ZNF814: variants seen among roughly 807,000 people sequenced by gnomAD.
ZNF814 encodes the protein zinc finger protein 814.
A neutral mutation model predicts 7.5 loss-of-function variants in ZNF814; 5 were observed. That is an observed-to-expected ratio of 0.67 (90% CI 0.35 to 1.40). The LOEUF is 1.40. Among genes scored for constraint, ZNF814 ranks in the 40% most tolerant of loss-of-function variants. The pLI is 0.04. For missense variants in ZNF814, 962 were observed against 1,018.0 expected (o/e 0.94, Z 0.75); for synonymous variants, 315 against 340.7 (o/e 0.92, Z 0.83).
chr19:57,885,583 T>C (rs908375669), intron 1 of ZNF814, among the ~76,000 whole-genome samples: 13 of 149,496 alleles, frequency 8.7e-5, no homozygotes, highest in African/African-American at 3.0e-4. Context: ...TGAGCCGAGA[T>C]TGCACCACTG....
chr19:57,888,633 T>C (rs2071713186), intron 1 of ZNF814, 134 bp downstream of exon 1: 2 of 1,153,258 alleles, frequency 1.7e-6, no homozygotes, highest in South Asian at 1.4e-5. Flanking sequence ...GTGTCAGAAA[T>C]GGGGCCCCTC....
chr19:57,874,859 C>T lies in ZNF814; in HGVS notation c.531G>A (p.Lys177=), dbSNP rs767627144. The T allele has an allele frequency of 6.2e-6, 10 of 1,614,000 alleles. No homozygotes were observed. The East Asian group carries it at 6.7e-5, about 11-fold the overall frequency. The change falls in exon 3 of 3, where the codon AAG becomes AAA. Residue 177 remains lysine, a synonymous_variant. Transcript: ENST00000435989. ...GESSVFSESG[K]DFLPRSGLLQ... is the part of the protein sequence containing the mutation. Reference sequence around the variant, plus strand: ...GTAATCCTGACCTGGGCAAAAAGTCCTTCCCACTCTCACTGAAGACAGATG... The same window carrying T: ...GTAATCCTGACCTGGGCAAAAAGTCTTTCCCACTCTCACTGAAGACAGATG...
At chr19:57,890,027 TAG>T (rs1207222490), upstream of ZNF814, among the ~76,000 whole-genome samples, 2 of 152,224 alleles carry the variant, frequency 1.3e-5, no homozygotes, top group African/African-American at 4.8e-5. Context: ...ATTTCAGAGT[TAG>T]TGTAGATGTT....
the ZNF814 span, among the ~76,000 whole-genome samples, chr19:57,901,991 A>C: frequency 6.6e-6 from 1 of 152,336 alleles, no homozygotes; most frequent in African/African-American, 2.4e-5. Flanking sequence ...TATCAATAGG[A>C]TATAAATATC....
chr19:57,894,255 G>T, the ZNF814 span, among the ~76,000 whole-genome samples: 2 of 148,178 alleles, frequency 1.3e-5, no homozygotes, highest in Non-Finnish European at 3.0e-5. Context: ...AGTCCCAGCT[G>T]CTCAGGAGGC....
In ZNF814 at chr19:57,873,259, T is replaced by C; in HGVS notation, c.2131A>G (p.Asn711Asp). The change falls in exon 3 of 3, where the codon AAT becomes GAT. Residue 711 changes from asparagine to aspartate, a missense_variant. Transcript: ENST00000435989. The part of the protein sequence containing the change: ...SHLLVHQRIH[N>D]GEKPYACEAC... Reference sequence around the variant, plus strand: ...TCACAAGCATATGGCTTTTCTCCATTGTGAATTCTCTGGTGTACAAGGAGG... The same window carrying C: ...TCACAAGCATATGGCTTTTCTCCATCGTGAATTCTCTGGTGTACAAGGAGG... 2 of 1,602,626 alleles carry C rather than the reference T, an allele frequency of 1.2e-6. No individual in the cohort carries two copies. Among genetic ancestry groups the C allele is most frequent in the South Asian group, 1.1e-5 (1 of 89,818 alleles).
chr19:57,888,924 G>C lies in ZNF814; in HGVS notation c.-122C>G. ...CTGGGCGCCGTCACAGAGCTCCAGA[G>C]TAGCCTCTGTGCAGCGGAGGACAAC... is the stretch of plus-strand genomic sequence containing the variant. On this transcript the variant is annotated 5_prime_UTR_variant, in exon 1 of 3. Transcript: ENST00000435989. 1 of 1,098,154 alleles carries C rather than the reference G, an allele frequency of 9.1e-7. No homozygotes were observed. The highest frequency in any genetic ancestry group is 1.3e-6 in the Non-Finnish European group (1 of 748,362). 68.0% of individuals were successfully genotyped at this position (1,098,154 alleles called of 1,614,324 possible). A position where few individuals can be genotyped will look rare whatever the true frequency, so the allele number is the denominator to read the frequency against.
Position 57,888,933 on chromosome 19 carries a change from G to A in ZNF814, c.-131C>T. 2.0e-6 allele frequency: 2 copies of A among 994,710 alleles called. No homozygotes were observed. The highest frequency in any genetic ancestry group is 3.0e-6 in the Non-Finnish European group (2 of 663,986). 61.6% of individuals were successfully genotyped at this position (994,710 alleles called of 1,614,324 possible). ...GTCACAGAGCTCCAGAGTAGCCTCT[G>A]TGCAGCGGAGGACAACTGCTCCCCG... is the stretch of plus-strand genomic sequence containing the variant. On this transcript the variant is annotated 5_prime_UTR_variant, in exon 1 of 3. Transcript: ENST00000435989.
chr19:57,873,047 G>C lies in ZNF814; in HGVS notation c.2343C>G (p.Phe781Leu). The C allele has an allele frequency of 6.2e-7, 1 of 1,609,508 alleles. No individual in the cohort carries two copies. The highest frequency in any genetic ancestry group is 8.5e-7 in the Non-Finnish European group (1 of 1,178,468). Residue 781 changes from phenylalanine (F) to leucine (L), a missense_variant, in exon 3 of 3, where the codon TTC becomes TTG. Around this residue, in one of 7 missense-constraint regions of ZNF814, gnomAD observed 665 missense variants for 551.4 expected, o/e 1.21. Coordinates refer to ENST00000435989, the MANE Select transcript of ZNF814 (RefSeq NM_001144989.2). ...PYECSECGKS[F>L]AESSSFTKHK... is the part of the protein sequence containing the mutation. ...GTTTTGTGAAACTGGAGCTTTCAGC[G>C]AAAGATTTTCCACATTCACTGCACT...
chr19:57,890,325 G>A (rs1252884479), upstream of ZNF814, among the ~76,000 whole-genome samples: 2 of 152,044 alleles, frequency 1.3e-5, no homozygotes, highest in Admixed American at 6.6e-5. Context: ...TGAAAATTGC[G>A]AGACTGGGGT....
At chr19:57,889,353 G>A (rs1217504601), upstream of ZNF814, among the ~76,000 whole-genome samples, 1 of 152,106 alleles carries the variant, frequency 6.6e-6, no homozygotes, top group Non-Finnish European at 1.5e-5. Context: ...AAATTAGCCT[G>A]AGCAACAAAG....
chr19:57,878,010 C>CA (rs1397862249), intron 1 of ZNF814, among the ~76,000 whole-genome samples: 1 of 151,494 alleles, frequency 6.6e-6, no homozygotes, highest in African/African-American at 2.4e-5. Context: ...ACTAAAAATA[C>CA]AAAAAATTAG....
chr19:57,889,052 G>A (rs1376695263), upstream of ZNF814: 2 of 535,842 alleles, frequency 3.7e-6, no homozygotes, highest in Non-Finnish European at 3.3e-6. Flanking sequence ...GCCACCAGAG[G>A]GCGCCGGAAG....
chr19:57,899,446 C>T, the ZNF814 span, among the ~76,000 whole-genome samples: 3 of 152,172 alleles, frequency 2.0e-5, no homozygotes, highest in African/African-American at 7.2e-5. Flanking sequence ...GAAGGTAGAA[C>T]AAAGTGCTAC....
intron 1 of ZNF814, among the ~76,000 whole-genome samples, chr19:57,882,895 C>T (rs536534339): frequency 1.3e-5 from 2 of 152,190 alleles, no homozygotes; most frequent in African/African-American, 4.8e-5. Context: ...GAAAACGTGA[C>T]CTCACCAAAC....
intron 1 of ZNF814, among the ~76,000 whole-genome samples, chr19:57,888,473 T>C (rs1310365509): frequency 3.9e-5 from 6 of 152,280 alleles, no homozygotes; most frequent in Admixed American, 3.9e-4. Flanking sequence ...GCCCCCAGCC[T>C]GCTTGCTCTT....
rs1142532 is a variant in ZNF814 at position 57,877,003 on chromosome 19, A to G, written c.76T>C (p.Trp26Arg). 1.5e-5 allele frequency: 25 copies of G among 1,614,026 alleles called. No homozygotes were observed. The highest frequency in any genetic ancestry group is 1.6e-4 in the Middle Eastern group (1 of 6,082). The change falls in exon 2 of 3, where the codon TGG becomes CGG. Residue 26 changes from tryptophan to arginine, a missense_variant. Trp to Arg is a moderately radical substitution (Grantham distance 101, BLOSUM62 -3). Transcript: ENST00000435989. ...TFEDVAVNFT[W>R]EEWNLLSEAQ... ...TCACTAAGGAGATTCCATTCCTCCC[A>G]GGTAAAGTTCACAGCCACATCTTCA...
chr19:57,891,474 G>A (rs563337266), upstream of ZNF814, among the ~76,000 whole-genome samples: 16 of 150,870 alleles, frequency 1.1e-4, no homozygotes, highest in African/African-American at 2.7e-4. Flanking sequence ...GCAGTGAGCC[G>A]AGATTGCACC....
Position 57,872,279 on chromosome 19 carries a change from T to C in ZNF814, c.*543A>G, listed in dbSNP as rs1468430834. ...ATATACATCTATGGTGTTTTTCTCA[T>C]GTCAATGTTTGAGGCTCCAATAAAA... On this transcript the variant is annotated 3_prime_UTR_variant, in exon 3 of 3. Transcript: ENST00000435989. 6.6e-6 allele frequency among the ~76,000 whole-genome samples: 1 copy of C among 152,234 alleles called. No homozygotes were observed. Among genetic ancestry groups the C allele is most frequent in the Non-Finnish European group, 1.5e-5 (1 of 68,034 alleles).
Sources: gnomAD v4.1 joint callset for allele counts (sites outside exome capture counted in the v4.1 genomes callset) on GRCh38, gnomAD v4.1.1 for gene constraint, gnomAD v4.1.1 regional missense constraint, MANE v1.5 for transcripts, NCBI Gene and HGNC (gene_info 2026-07-23, HGNC 2026-07-21) for gene names.